PLCL1: variants seen among roughly 807,000 people sequenced by gnomAD.
PLCL1 encodes the protein phospholipase C like 1 (inactive), also known as inactive phospholipase C-like protein 1.
PLCL1 carries 41 observed loss-of-function variants against 84.4 expected under a neutral mutation model. The observed-to-expected ratio is 0.49, with a 90% CI of 0.38 to 0.63. The LOEUF is 0.63. PLCL1 is among the 30% of genes least tolerant of loss of function. The probability of loss-of-function intolerance (pLI) is 0.00; values close to 1 mark genes in which losing one functional copy is unlikely to be tolerated. For missense variants in PLCL1, 1,206 were observed against 1,367.8 expected (o/e 0.88, Z 1.87); for synonymous variants, 490 against 488.3 (o/e 1.00, Z -0.05).
chr2:198,060,748 A>T (rs1222241407), intron 1 of PLCL1, among the ~76,000 whole-genome samples: 1 of 152,156 alleles, frequency 6.6e-6, no homozygotes, highest in Non-Finnish European at 1.5e-5. Context: ...TTCTACCTTT[A>T]TATCACTGTT....
At chr2:197,878,599 A>C (rs548403535) in intron 1 of PLCL1, among the ~76,000 whole-genome samples, 1 of 152,248 alleles carries the variant, frequency 6.6e-6, no homozygotes, top group Non-Finnish European at 1.5e-5. Flanking sequence ...GTGCTCCAGA[A>C]ATTATCTGTG....
intron 1 of PLCL1, among the ~76,000 whole-genome samples, chr2:197,885,490 TG>T (rs1015303290): frequency 6.6e-6 from 1 of 152,164 alleles, no homozygotes; most frequent in Non-Finnish European, 1.5e-5. Context: ...ATGCCCACAG[TG>T]GGGAGGGCAA....
intron 1 of PLCL1, among the ~76,000 whole-genome samples, chr2:197,887,675 T>C (rs1687947312): frequency 6.6e-6 from 1 of 152,134 alleles, no homozygotes; most frequent in African/African-American, 2.4e-5. Flanking sequence ...AATCTGGGCT[T>C]TTAGTGTAGC....
At chr2:198,092,944 G>T (rs1693084378) in intron 3 of PLCL1, among the ~76,000 whole-genome samples, 1 of 152,134 alleles carries the variant, frequency 6.6e-6, no homozygotes, top group South Asian at 2.1e-4. Context: ...TCTATTGTTG[G>T]TGAAAATCGT....
intron 1 of PLCL1, among the ~76,000 whole-genome samples, chr2:197,945,327 G>A (rs1457492374): frequency 6.6e-6 from 1 of 152,102 alleles, no homozygotes; most frequent in Non-Finnish European, 1.5e-5. Context: ...TTCTTTATTA[G>A]ATATTCTAGC....
At chr2:198,138,635 T>A (rs1448866608) in intron 5 of PLCL1, among the ~76,000 whole-genome samples, 2 of 152,186 alleles carry the variant, frequency 1.3e-5, no homozygotes, top group Non-Finnish European at 2.9e-5. Context: ...ATAAAGACAT[T>A]GTTTCCAAAT....
chr2:197,929,821 C>A (rs151209532), intron 1 of PLCL1, among the ~76,000 whole-genome samples: 356 of 152,120 alleles, frequency 2.3e-3, no homozygotes, highest in African/African-American at 8.1e-3. Context: ...ACTTGCATTG[C>A]CTCATCCTTT....
chr2:197,904,276 C>T (rs1420066105), intron 1 of PLCL1, among the ~76,000 whole-genome samples: 1 of 152,174 alleles, frequency 6.6e-6, no homozygotes, highest in Admixed American at 6.5e-5. Context: ...TCCCTAGGCC[C>T]TTCCCTTTCT....
At chr2:197,812,042 A>G (rs1359932278) in intron 1 of PLCL1, among the ~76,000 whole-genome samples, 1 of 152,178 alleles carries the variant, frequency 6.6e-6, no homozygotes, top group Non-Finnish European at 1.5e-5. Flanking sequence ...TTTAGCTACC[A>G]CTTACAAGTG....
In PLCL1 at chr2:198,084,173, G is replaced by A. The variant is rs760605252; in HGVS notation, c.656G>A (p.Arg219Gln). 10 of 1,614,080 alleles carry A rather than the reference G, an allele frequency of 6.2e-6. No individual in the cohort carries two copies. Among genetic ancestry groups the A allele is most frequent in the Middle Eastern group, 1.7e-4 (1 of 6,060 alleles). Residue 219 changes from arginine to glutamine, a missense_variant, in exon 2 of 6, where the codon CGG becomes CAG. Physicochemically the swap from Arg to Gln is conservative, Grantham distance 43. Transcript: ENST00000428675. ...GCAAACATCTGGGTGTCTGGGTTACGGTACCTGGTTTCTCGAAGTAAGCAG... is the reference window on the plus strand; with the variant it reads ...GCAAACATCTGGGTGTCTGGGTTACAGTACCTGGTTTCTCGAAGTAAGCAG... ...DVANIWVSGLRYLVSRSKQPL... is the reference protein window; with the variant it reads ...DVANIWVSGLQYLVSRSKQPL...
intron 1 of PLCL1, among the ~76,000 whole-genome samples, chr2:197,899,634 TC>T (rs1559039365): frequency 7.1e-4 from 54 of 75,942 alleles, no homozygotes; most frequent in African/African-American, 4.2e-3. Context: ...ATGAGTTCTT[TC>T]TTTCTTTTTT....
intron 1 of PLCL1, among the ~76,000 whole-genome samples, chr2:197,896,384 C>T (rs1688132510): frequency 6.6e-6 from 1 of 151,942 alleles, no homozygotes; most frequent in Admixed American, 6.6e-5. Flanking sequence ...TAGAGCAAAG[C>T]CCTATGTGCC....
chr2:198,138,499 C>T (rs2105943234), intron 5 of PLCL1, among the ~76,000 whole-genome samples: 1 of 152,188 alleles, frequency 6.6e-6, no homozygotes, highest in African/African-American at 2.4e-5. Context: ...CCATATCACC[C>T]TCTAAAATAC....
rs190568627 is a variant in PLCL1 at position 197,979,513 on chromosome 2, C to T, written c.241-104245C>T. ...ACCCTCACCACCTCTCTGCCACCAGCTTCATCCTACTGCTATCTGTCTGCA... is the reference window on the plus strand; with the variant it reads ...ACCCTCACCACCTCTCTGCCACCAGTTTCATCCTACTGCTATCTGTCTGCA... On this transcript the variant is annotated intron_variant, in intron 1 of 5. Transcript: ENST00000428675. Among the ~76,000 whole-genome samples the T allele has an allele frequency of 5.0e-4, 76 of 152,332 alleles. 2 individuals are homozygous for T. In the East Asian group the frequency reaches 0.014, roughly 28 times the overall value.
At chr2:198,141,095 G>T (rs1313207346) in intron 5 of PLCL1, among the ~76,000 whole-genome samples, 1 of 152,012 alleles carries the variant, frequency 6.6e-6, no homozygotes, top group Non-Finnish European at 1.5e-5. Flanking sequence ...AACAGATAAA[G>T]CTTCATTCAG....
chr2:197,924,577 T>A (rs1278174671), intron 1 of PLCL1, among the ~76,000 whole-genome samples: 1 of 152,064 alleles, frequency 6.6e-6, no homozygotes, highest in African/African-American at 2.4e-5. Flanking sequence ...TTATTATTGA[T>A]ACAGCACTTT....
At chr2:197,853,801 A>T (rs2105685260) in intron 1 of PLCL1, among the ~76,000 whole-genome samples, 1 of 152,150 alleles carries the variant, frequency 6.6e-6, no homozygotes, top group South Asian at 2.1e-4. Context: ...CACCTCTATC[A>T]TTGTACCTGC....
At chr2:198,112,972 A>G (rs567341368) in intron 5 of PLCL1, among the ~76,000 whole-genome samples, 12 of 152,010 alleles carry the variant, frequency 7.9e-5, no homozygotes, top group African/African-American at 2.7e-4. Flanking sequence ...CTTGAATCTC[A>G]TATGTCAGTA....
chr2:198,110,442 C>T (rs1296173936), intron 5 of PLCL1, among the ~76,000 whole-genome samples: 1 of 151,888 alleles, frequency 6.6e-6, no homozygotes, highest in African/African-American at 2.4e-5. Flanking sequence ...CCTTACAGTT[C>T]TGGGGAATCT....
Sources: gnomAD v4.1 joint callset for allele counts (sites outside exome capture counted in the v4.1 genomes callset) on GRCh38, gnomAD v4.1.1 for gene constraint, MANE v1.5 for transcripts, NCBI Gene and HGNC (gene_info 2026-07-23, HGNC 2026-07-21) for gene names.